DOP1B: variants seen among roughly 807,000 people sequenced by gnomAD.
DOP1B encodes the protein DOP1 leucine zipper like protein B, also known as protein DOP1B.
Under a neutral mutation model 233.5 loss-of-function variants are expected in DOP1B, and 174 were observed. The ratio of observed to expected loss-of-function variants is 0.75; its 90% CI spans 0.66 to 0.85. DOP1B has a LOEUF of 0.85. Ranked by LOEUF, DOP1B falls within the 40% of genes least tolerant of loss-of-function variation. The pLI, the probability that DOP1B is intolerant of heterozygous loss-of-function variation, is 0.00. For missense variants in DOP1B, 2,652 were observed against 2,846.6 expected (o/e 0.93, Z 1.56); for synonymous variants, 1,190 against 1,185.6 (o/e 1.00, Z -0.08).
intron 4 of DOP1B, among the ~76,000 whole-genome samples, chr21:36,204,956 C>T (rs552049414): frequency 1.3e-5 from 2 of 152,164 alleles, no homozygotes; most frequent in South Asian, 2.1e-4. Context: ...CACCCAGCAC[C>T]AACATTTCTT....
chr21:36,169,201 G>T, intron 2 of DOP1B: 1 of 1,042,104 alleles, frequency 9.6e-7, no homozygotes, highest in Non-Finnish European at 1.5e-6. Flanking sequence ...CAGAGTTATT[G>T]GTCACTTCAC....
intron 23 of DOP1B, among the ~76,000 whole-genome samples, chr21:36,256,209 T>TGTA (rs1398395029): frequency 6.6e-6 from 1 of 152,140 alleles, no homozygotes; most frequent in Non-Finnish European, 1.5e-5. Context: ...GGCTCATGCC[T>TGTA]GTAGTCCTAG....
chr21:36,255,883 T>C (rs1285877840), intron 23 of DOP1B, among the ~76,000 whole-genome samples: 1 of 152,224 alleles, frequency 6.6e-6, no homozygotes, highest in Non-Finnish European at 1.5e-5. Context: ...ATTTTTCTGC[T>C]CAATTTCATT....
At position 36,231,040 on chromosome 21, in the gene DOP1B, C is replaced by A. The variant is rs144381000; in HGVS notation, c.2256C>A (p.Ala752=). Residue 752 remains alanine (A), a synonymous_variant, in exon 14 of 37, where the codon GCC becomes GCA. Transcript: ENST00000691173. The stretch of plus-strand genomic sequence containing the variant: ...AGGAACGCAGGGAGGCCTTTGCCGC[C>A]GCCTGCCACCTGCTGCTGGATTGTG... ...SREERREAFA[A]ACHLLLDCAT... 5.6e-6 allele frequency: 9 copies of A among 1,614,128 alleles called. No homozygotes were observed. Among genetic ancestry groups the A allele is most frequent in the Non-Finnish European group, 6.8e-6 (8 of 1,180,036 alleles).
In DOP1B at chr21:36,277,070, C is replaced by T. The variant is rs1291826417; in HGVS notation, c.5682C>T (p.Tyr1894=). 5.0e-6 allele frequency: 8 copies of T among 1,614,138 alleles called. No individual in the cohort carries two copies. The highest frequency in any genetic ancestry group is 5.9e-6 in the Non-Finnish European group (7 of 1,180,008). ...TGTCTTCATCCGCCCCGTCGGTGTA[C>T]AGCGTGCAAGCCCTCTCTCTCCTGG... is the stretch of plus-strand genomic sequence containing the variant. The part of the protein sequence containing the change: ...AMVSSSAPSV[Y]SVQALSLLAE... The change falls in exon 28 of 37, where the codon TAC becomes TAT. Residue 1894 remains tyrosine, a synonymous_variant. Coordinates refer to ENST00000691173, the MANE Select transcript of DOP1B (RefSeq NM_001320714.2).
intron 2 of DOP1B, among the ~76,000 whole-genome samples, chr21:36,172,949 T>A (rs2065986407): frequency 6.6e-6 from 1 of 151,998 alleles, no homozygotes; most frequent in Non-Finnish European, 1.5e-5. Context: ...TGAAACCCTG[T>A]CTCTATTAAA....
intron 2 of DOP1B, among the ~76,000 whole-genome samples, chr21:36,193,388 T>C (rs1437140179): frequency 1.3e-5 from 2 of 152,134 alleles, no homozygotes; most frequent in African/African-American, 4.8e-5. Flanking sequence ...TAGCAAGGCC[T>C]GTTTGTTCAG....
chr21:36,289,184 G>A lies in DOP1B; in HGVS notation c.6493G>A (p.Asp2165Asn), dbSNP rs766025678. 6.2e-7 allele frequency: 1 copy of A among 1,613,520 alleles called. No individual in the cohort carries two copies. Among genetic ancestry groups the A allele is most frequent in the Non-Finnish European group, 8.5e-7 (1 of 1,179,916 alleles). Residue 2165 changes from aspartate (D) to asparagine (N), a missense_variant, in exon 35 of 37, where the codon GAC (aspartate) becomes AAC (asparagine). Physicochemically the swap from Asp to Asn is conservative, Grantham distance 23. Coordinates refer to ENST00000691173, the MANE Select transcript of DOP1B (RefSeq NM_001320714.2). The stretch of plus-strand genomic sequence containing the variant: ...GGACACAGCGCTTTCTTTTCCACCT[G>A]ACAAGATGCCATTATTTCAAATGTA... ...FLDTALSFPP[D>N]KMPLFQIYRW...
intron 16 of DOP1B, 32 bp from the exon 17 acceptor site, chr21:36,238,569 A>G: frequency 6.2e-7 from 1 of 1,603,822 alleles, no homozygotes; most frequent in Non-Finnish European, 8.5e-7. Context: ...TACAAAACCA[A>G]GTTCCTCACT....
rs771368401 is a variant in DOP1B at position 36,210,105 on chromosome 21, GTC to G, written c.681+1205_681+1206del. The stretch of plus-strand genomic sequence containing the variant: ...CGTCTCAGCCCTGCTCTGGCTTCTT[GTC>G]TCTTACTCTTGGATCTGACTGGTTT... On this transcript the variant is annotated intron_variant, in intron 5 of 36. Coordinates refer to ENST00000691173, the MANE Select transcript of DOP1B (RefSeq NM_001320714.2). Among the ~76,000 whole-genome samples the G allele has an allele frequency of 5.3e-5, 8 of 152,028 alleles. No individual in the cohort carries two copies. In the East Asian group the frequency reaches 1.4e-3, roughly 26 times the overall value.
intron 2 of DOP1B, among the ~76,000 whole-genome samples, chr21:36,194,662 T>C (rs1163742049): frequency 2.0e-5 from 3 of 152,066 alleles, no homozygotes; most frequent in Admixed American, 2.0e-4. Context: ...AATTTTTGTA[T>C]TTTTAGTAGA....
At chr21:36,224,192 G>A (rs1021524997) in intron 11 of DOP1B, among the ~76,000 whole-genome samples, 1 of 151,774 alleles carries the variant, frequency 6.6e-6, no homozygotes, top group South Asian at 2.1e-4. Context: ...GTCTCTCACC[G>A]AGACTGGAGT....
intron 23 of DOP1B, among the ~76,000 whole-genome samples, chr21:36,255,428 A>G (rs1332543534): frequency 6.8e-6 from 1 of 146,848 alleles, no homozygotes; most frequent in South Asian, 2.2e-4. Context: ...TGCCCGGCCA[A>G]AATTTGCATA....
intron 23 of DOP1B, among the ~76,000 whole-genome samples, chr21:36,257,851 G>A (rs1237059292): frequency 9.4e-5 from 14 of 148,972 alleles, no homozygotes; most frequent in African/African-American, 3.2e-4. Context: ...AGATAGGTAG[G>A]TAGGTAGAGA....
At chr21:36,173,824 A>G (rs1269668933) in intron 2 of DOP1B, among the ~76,000 whole-genome samples, 1 of 152,130 alleles carries the variant, frequency 6.6e-6, no homozygotes, top group African/African-American at 2.4e-5. Context: ...GCTAATAGAA[A>G]TAAATTAACT....
chr21:36,170,004 T>G, intron 2 of DOP1B: 6 of 738,384 alleles, frequency 8.1e-6, no homozygotes, highest in East Asian at 5.3e-5. Context: ...GCCTGTCGAC[T>G]TCCCGTGTGA....
intron 2 of DOP1B, among the ~76,000 whole-genome samples, chr21:36,171,751 T>C (rs561547582): frequency 9.2e-5 from 14 of 152,176 alleles, no homozygotes; most frequent in Non-Finnish European, 1.3e-4. Context: ...ACATTTCTGT[T>C]GTTGAAGCCA....
At chr21:36,234,061 C>T (rs948608110) in intron 15 of DOP1B, among the ~76,000 whole-genome samples, 2 of 152,030 alleles carry the variant, frequency 1.3e-5, no homozygotes, top group African/African-American at 2.4e-5. Flanking sequence ...ACCGCATTGG[C>T]CAGGCTGGTC....
In DOP1B at chr21:36,246,772, T is replaced by C; in HGVS notation, c.4697+95T>C. On this transcript the variant is annotated intron_variant, in intron 19 of 36. Transcript: ENST00000691173. The surrounding 1 kb of genome is among the most constrained non-coding windows in gnomAD (Gnocchi z 5.1). ...ACGGATGTGGATGTCGGTTGGAGGA[T>C]AATTTCATCCCAATGAGAAGCCTGT... 1.4e-6 allele frequency: 2 copies of C among 1,447,554 alleles called. No homozygotes were observed. The highest frequency in any genetic ancestry group is 1.9e-6 in the Non-Finnish European group (2 of 1,076,148). 89.7% of individuals were successfully genotyped at this position (1,447,554 alleles called of 1,614,324 possible). A position where few individuals can be genotyped will look rare whatever the true frequency, so the allele number is the denominator to read the frequency against.
Sources: gnomAD v4.1 joint callset for allele counts (sites outside exome capture counted in the v4.1 genomes callset) on GRCh38, gnomAD v4.1.1 for gene constraint, Gnocchi (gnomAD v3.1) non-coding constraint, MANE v1.5 for transcripts, NCBI Gene and HGNC (gene_info 2026-07-23, HGNC 2026-07-21) for gene names.